The following CSMD1 variants were observed in gnomAD, a reference collection of about 807,000 sequenced individuals.
The protein encoded by CSMD1 is CUB and sushi domain-containing protein 1.
Under a neutral mutation model 417.5 loss-of-function variants are expected in CSMD1, and 213 were observed. That is an observed-to-expected ratio of 0.51 (90% CI 0.46 to 0.57). CSMD1 has a LOEUF of 0.57. CSMD1 is among the 20% of genes least tolerant of loss of function. CSMD1 has a pLI of 0.00. For missense variants in CSMD1, 6,923 were observed against 4,529.7 expected (o/e 1.53, Z -15.17); for synonymous variants, 2,862 against 1,736.8 (o/e 1.65, Z -16.11).
intron 3 of CSMD1, among the ~76,000 whole-genome samples, chr8:4,289,572 C>G (rs1358140532): frequency 6.6e-6 from 1 of 152,170 alleles, no homozygotes; most frequent in Non-Finnish European, 1.5e-5. Context: ...GAATTCATCA[C>G]ATTTTGTCCA....
chr8:4,734,536 C>A (rs910769318), intron 1 of CSMD1, among the ~76,000 whole-genome samples: 2 of 151,988 alleles, frequency 1.3e-5, no homozygotes, highest in African/African-American at 2.4e-5. Flanking sequence ...GATTTAGAAA[C>A]GTATTTGGTA....
At chr8:3,594,016 C>G (rs1182240988) in intron 8 of CSMD1, among the ~76,000 whole-genome samples, 2 of 152,172 alleles carry the variant, frequency 1.3e-5, no homozygotes, top group African/African-American at 2.4e-5. Context: ...AACTTTAGAG[C>G]AACAGAGTGA....
At chr8:3,645,420 G>A (rs889887693) in intron 7 of CSMD1, among the ~76,000 whole-genome samples, 1 of 152,160 alleles carries the variant, frequency 6.6e-6, no homozygotes, top group Non-Finnish European at 1.5e-5. Context: ...GGTACCTTCT[G>A]GTCTCAGAGG....
intron 7 of CSMD1, among the ~76,000 whole-genome samples, chr8:3,660,375 C>G (rs1296306298): frequency 2.0e-5 from 3 of 151,254 alleles, no homozygotes; most frequent in Non-Finnish European, 4.4e-5. Context: ...GGGACCAGCA[C>G]AGAAAAAGTA....
chr8:4,322,894 A>G (rs1407030187), intron 3 of CSMD1, among the ~76,000 whole-genome samples: 3 of 152,224 alleles, frequency 2.0e-5, no homozygotes, highest in African/African-American at 7.2e-5. Context: ...CTGAGGCAGG[A>G]GAATCGCTTG....
intron 5 of CSMD1, among the ~76,000 whole-genome samples, chr8:3,761,375 C>A (rs555454964): frequency 1.3e-5 from 2 of 151,398 alleles, no homozygotes; most frequent in Non-Finnish European, 2.9e-5. Flanking sequence ...TTTGTGCACA[C>A]GTATATACTA....
intron 3 of CSMD1, among the ~76,000 whole-genome samples, chr8:4,224,791 A>C (rs534435903): frequency 7.9e-5 from 12 of 152,276 alleles, no homozygotes; most frequent in African/African-American, 2.6e-4. Flanking sequence ...AAAATGTTAA[A>C]ATGTGTGTTC....
At chr8:3,710,832 G>C (rs541927937) in intron 6 of CSMD1, among the ~76,000 whole-genome samples, 4 of 152,276 alleles carry the variant, frequency 2.6e-5, no homozygotes, top group African/African-American at 7.2e-5. Flanking sequence ...TGCAGAATTT[G>C]AACTGAAATC....
At chr8:4,165,175 C>G (rs533395706) in intron 3 of CSMD1, among the ~76,000 whole-genome samples, 1 of 152,208 alleles carries the variant, frequency 6.6e-6, no homozygotes, top group Non-Finnish European at 1.5e-5. Context: ...GATACCTACG[C>G]CTAGCCAGTA....
At chr8:4,563,229 G>A (rs1033824744) in intron 2 of CSMD1, among the ~76,000 whole-genome samples, 3 of 151,930 alleles carry the variant, frequency 2.0e-5, no homozygotes, top group African/African-American at 7.3e-5. Context: ...GTGAAACCCC[G>A]TCTCTACTAA....
At chr8:4,586,035 T>G (rs979774845) in intron 2 of CSMD1, among the ~76,000 whole-genome samples, 1 of 152,226 alleles carries the variant, frequency 6.6e-6, no homozygotes, top group Non-Finnish European at 1.5e-5. Flanking sequence ...ATTATGCGCA[T>G]GTAATGGTTG....
chr8:4,014,639 C>G (rs979722906), intron 4 of CSMD1, among the ~76,000 whole-genome samples: 1 of 152,148 alleles, frequency 6.6e-6, no homozygotes, highest in African/African-American at 2.4e-5. Context: ...AAATTCAGAG[C>G]CTGGGTCTTA....
chr8:3,656,876 G>C (rs571443607), intron 7 of CSMD1, among the ~76,000 whole-genome samples: 2 of 150,748 alleles, frequency 1.3e-5, no homozygotes, highest in African/African-American at 4.9e-5. Context: ...AGTGAGCCAA[G>C]ATCACACCAC....
At chr8:3,235,753 C>A (rs1799111359) in intron 26 of CSMD1, among the ~76,000 whole-genome samples, 1 of 151,846 alleles carries the variant, frequency 6.6e-6, no homozygotes, top group Non-Finnish European at 1.5e-5. Context: ...TTGAAAGTAC[C>A]TTTTGTAGTT....
chr8:3,642,728 G>C (rs545207780), intron 7 of CSMD1, among the ~76,000 whole-genome samples: 1 of 152,030 alleles, frequency 6.6e-6, no homozygotes, highest in African/African-American at 2.4e-5. Flanking sequence ...ATTAGTAAAA[G>C]AAAGACTAGA....
chr8:3,195,062 A>C (rs1375174303), intron 33 of CSMD1, among the ~76,000 whole-genome samples: 2 of 152,210 alleles, frequency 1.3e-5, no homozygotes, highest in African/African-American at 4.8e-5. Flanking sequence ...TTTTGGTGTG[A>C]CTGTGTGATC....
rs34727563 is a variant in CSMD1, at chr8:2,937,453, C to CAA, written c.*1130_*1131dup. On this transcript the variant is annotated 3_prime_UTR_variant, in exon 70 of 70. Coordinates refer to ENST00000635120, the MANE Select transcript of CSMD1 (RefSeq NM_033225.6). ...AGTAAAAGACAAAAAAAAAAAAAAA[C>CAA]AAAAAAAAAACACTGCAAAAGGGAA... The CAA allele has an allele frequency of 2.0e-4, 27 of 137,020 alleles. No individual in the cohort carries two copies. Among genetic ancestry groups the CAA allele is most frequent in the African/African-American group, 7.4e-4 (26 of 35,240 alleles). The allele number at this position is 137,020 out of a possible 1,614,324, so 8.5% of individuals were successfully genotyped here.
chr8:4,752,773 T>G (rs1051800751), intron 1 of CSMD1, among the ~76,000 whole-genome samples: 2 of 152,118 alleles, frequency 1.3e-5, no homozygotes, highest in African/African-American at 4.8e-5. Flanking sequence ...AGTGAGGTAT[T>G]GCAGACTAAA....
At chr8:3,586,296 T>A in intron 8 of CSMD1, 36 bp from the exon 9 acceptor site, 1 of 1,527,940 alleles carries the variant, frequency 6.5e-7, no homozygotes, top group Non-Finnish European at 8.7e-7. Flanking sequence ...AAACCCAAAT[T>A]ATTTACAGAA....
Sources: gnomAD v4.1 joint callset for allele counts (sites outside exome capture counted in the v4.1 genomes callset) on GRCh38, gnomAD v4.1.1 for gene constraint, MANE v1.5 for transcripts, NCBI Gene and HGNC (gene_info 2026-07-23, HGNC 2026-07-21) for gene names.